CMSS1: variants seen among roughly 807,000 people sequenced by gnomAD.
CMSS1 encodes cms1 ribosomal small subunit homolog.
Under a neutral mutation model 43.5 loss-of-function variants are expected in CMSS1, and 33 were observed. The ratio of observed to expected loss-of-function variants is 0.76; its 90% CI spans 0.57 to 1.01. The LOEUF (loss-of-function observed/expected upper bound fraction) is 1.01. CMSS1 is among the 50% of genes least tolerant of loss of function. The pLI is 0.00. For missense variants in CMSS1, 313 were observed against 326.4 expected, an observed-to-expected ratio of 0.96 and a Z score of 0.32; for synonymous variants, 115 against 117.2, an observed-to-expected ratio of 0.98 and a Z score of 0.12.
intron 1 of CMSS1, among the ~76,000 whole-genome samples, chr3:100,126,850 T>C (rs562135118): frequency 6.6e-6 from 1 of 152,088 alleles, no homozygotes; most frequent in African/African-American, 2.4e-5. Flanking sequence ...TACAAAAAAT[T>C]AGCCAGGCGT....
At chr3:100,172,799 T>C (rs2067121329) in intron 8 of CMSS1, among the ~76,000 whole-genome samples, 2 of 152,222 alleles carry the variant, frequency 1.3e-5, no homozygotes, top group Admixed American at 6.5e-5. Context: ...GTAGTTTCCA[T>C]GAATGTAATG....
At chr3:100,078,228 A>T (rs1324242574) in intron 1 of CMSS1, among the ~76,000 whole-genome samples, 1 of 152,232 alleles carries the variant, frequency 6.6e-6, no homozygotes, top group Non-Finnish European at 1.5e-5. Context: ...GTTGAAGTAT[A>T]TAGGAGGGAA....
At chr3:99,890,698 T>C (rs1028311000) in intron 1 of CMSS1, among the ~76,000 whole-genome samples, 1 of 152,220 alleles carries the variant, frequency 6.6e-6, no homozygotes. Context: ...TATAGTCTTT[T>C]ACTTTTTAAA....
chr3:99,861,633 G>A (rs953782529), intron 1 of CMSS1, among the ~76,000 whole-genome samples: 2 of 152,136 alleles, frequency 1.3e-5, no homozygotes, highest in Non-Finnish European at 2.9e-5. Context: ...CAGGGATAAT[G>A]TCTTCCCTAC....
rs527974853 is a variant in CMSS1, at chr3:100,022,395, G to A, written c.65-124578G>A. Reference sequence around the variant, plus strand: ...TTCCACTGTCTCTGCCTTCATGCTTGTTACGGCACAACTCTGCTACAGTAT... The same window carrying A: ...TTCCACTGTCTCTGCCTTCATGCTTATTACGGCACAACTCTGCTACAGTAT... On this transcript the variant is annotated intron_variant, in intron 1 of 9. Transcript: ENST00000421999. Among the ~76,000 whole-genome samples the A allele has an allele frequency of 2.0e-5, 3 of 152,298 alleles. No individual in the cohort carries two copies. In the East Asian group the frequency reaches 5.8e-4, roughly 29 times the overall value.
At chr3:100,117,070 G>A (rs1016909447) in intron 1 of CMSS1, among the ~76,000 whole-genome samples, 6 of 152,064 alleles carry the variant, frequency 3.9e-5, no homozygotes, top group African/African-American at 1.4e-4. Context: ...AAAGACTGAG[G>A]GAAGAGTTCA....
chr3:100,047,912 T>TA (rs895255858), intron 1 of CMSS1, among the ~76,000 whole-genome samples: 7 of 152,170 alleles, frequency 4.6e-5, no homozygotes, highest in African/African-American at 1.7e-4. Context: ...TTCTGGCACT[T>TA]AGTAGGCAAA....
chr3:100,124,083 C>G (rs1479467599), intron 1 of CMSS1, among the ~76,000 whole-genome samples: 1 of 152,130 alleles, frequency 6.6e-6, no homozygotes, highest in Non-Finnish European at 1.5e-5. Flanking sequence ...AGATACAGTT[C>G]AGAGCTGAAA....
chr3:99,849,711 T>G (rs371416356), intron 1 of CMSS1: 1 of 1,613,676 alleles, frequency 6.2e-7, no homozygotes, highest in African/African-American at 1.3e-5. Context: ...GAGTCTCATA[T>G]TCATCTTCTG....
intron 1 of CMSS1, among the ~76,000 whole-genome samples, chr3:100,055,923 T>G (rs2065456920): frequency 6.6e-6 from 1 of 152,208 alleles, no homozygotes; most frequent in Non-Finnish European, 1.5e-5. Flanking sequence ...TACCCTCATT[T>G]TTCTGATAGG....
Position 99,988,348 on chromosome 3 carries a change from A to C in CMSS1, c.65-158625A>C, listed in dbSNP as rs1451732724. Among the ~76,000 whole-genome samples, 105 of 149,220 alleles carry C rather than the reference A, an allele frequency of 7.0e-4. 3 individuals are homozygous for C. The South Asian group carries it at 9.9e-3, about 14-fold the overall frequency. ...CCACCTCTACTAAAAATCCAAAAAA[A>C]AAAAAAAAAAAAAAATTAGCCAGGC... is the stretch of plus-strand genomic sequence containing the variant. On this transcript the variant is annotated intron_variant, in intron 1 of 9. Transcript: ENST00000421999.
intron 1 of CMSS1, among the ~76,000 whole-genome samples, chr3:100,057,075 G>A (rs1476058109): frequency 6.6e-6 from 1 of 152,170 alleles, no homozygotes; most frequent in African/African-American, 2.4e-5. Context: ...CTAATGATTG[G>A]CAGGCTCAGG....
At chr3:99,840,794 G>T (rs377702495) in intron 1 of CMSS1, among the ~76,000 whole-genome samples, 6 of 152,182 alleles carry the variant, frequency 3.9e-5, no homozygotes, top group African/African-American at 1.4e-4. Context: ...GACTTGTCCA[G>T]GGCCTCACAG....
chr3:99,967,452 T>C (rs552257087), intron 1 of CMSS1, among the ~76,000 whole-genome samples: 13 of 152,346 alleles, frequency 8.5e-5, no homozygotes, highest in African/African-American at 2.6e-4. Flanking sequence ...ATTTAATGCA[T>C]TGCAGGAAGA....
intron 2 of CMSS1, among the ~76,000 whole-genome samples, chr3:100,148,286 C>T (rs1384568264): frequency 6.6e-6 from 1 of 152,138 alleles, no homozygotes; most frequent in African/African-American, 2.4e-5. Flanking sequence ...ACTATGTTAG[C>T]CAGGCTGGTC....
intron 1 of CMSS1, among the ~76,000 whole-genome samples, chr3:100,003,720 G>C (rs6806323): frequency 0.59 from 89,735 of 151,856 alleles, 26,695 homozygotes; most frequent in East Asian, 0.72. Flanking sequence ...CTTCATACTT[G>C]ATCTAGTGTC....
rs191686834 is a variant in CMSS1 at position 99,879,368 on chromosome 3, A to T, written c.64+61325A>T. ...TTGTCAGGAGGCCATGACAATGACC[A>T]CATTAACAGGTGTTATTAGTGAAGT... On this transcript the variant is annotated intron_variant, in intron 1 of 9. Coordinates refer to ENST00000421999, the MANE Select transcript of CMSS1 (RefSeq NM_032359.4). Among the ~76,000 whole-genome samples, 6 of 152,366 alleles carry T rather than the reference A, an allele frequency of 3.9e-5. No homozygotes were observed. The East Asian group carries it at 1.2e-3, about 29-fold the overall frequency.
chr3:99,911,683 G>T (rs1688782), intron 1 of CMSS1, among the ~76,000 whole-genome samples: 1 of 152,022 alleles, frequency 6.6e-6, no homozygotes, highest in East Asian at 1.9e-4. Context: ...CTTCACATTC[G>T]CTCCCTGCAG....
At chr3:99,996,843 A>G (rs912004040) in intron 1 of CMSS1, among the ~76,000 whole-genome samples, 1 of 152,074 alleles carries the variant, frequency 6.6e-6, no homozygotes, top group Admixed American at 6.5e-5. Context: ...ACACATGGGA[A>G]TTATGGGAGT....
Sources: gnomAD v4.1 joint callset for allele counts (sites outside exome capture counted in the v4.1 genomes callset) on GRCh38, gnomAD v4.1.1 for gene constraint, MANE v1.5 for transcripts, NCBI Gene and HGNC (gene_info 2026-07-23, HGNC 2026-07-21) for gene names.